The following ZNF253 variants were observed in gnomAD, a reference collection of about 807,000 sequenced individuals.
ZNF253 encodes DNA-binding protein.
A neutral mutation model predicts 11.9 loss-of-function variants in ZNF253; 8 were observed. The observed-to-expected ratio is 0.67, with a 90% CI of 0.40 to 1.22. ZNF253 has a LOEUF of 1.22. Ranked by LOEUF, ZNF253 falls within the 50% of genes most tolerant of loss-of-function variation. The pLI is 0.01. For missense variants in ZNF253, 485 were observed against 586.9 expected (o/e 0.83, Z 1.79); for synonymous variants, 194 against 194.9 (o/e 1.00, Z 0.04).
chr19:19,892,363 A>C lies in ZNF253; in HGVS notation c.1116A>C (p.Glu372Asp). 1.2e-6 allele frequency: 2 copies of C among 1,613,848 alleles called. No homozygotes were observed. The highest frequency in any genetic ancestry group is 1.7e-6 in the Non-Finnish European group (2 of 1,179,982). The change falls in exon 4 of 4, where the codon GAA becomes GAC. Residue 372 changes from glutamate to aspartate, a missense_variant. This residue lies in a region of ZNF253 where 232 missense variants were observed against 321.4 expected (regional missense o/e 0.72). Transcript: ENST00000589717. ...HTGEKPYRCR[E>D]CGKAFNHSTT... The stretch of plus-strand genomic sequence containing the variant: ...GAGAGAAACCCTACAGATGTAGAGA[A>C]TGTGGCAAAGCTTTTAACCATTCCA...
At chr19:19,867,814 G>A (rs2063117805) in intron 1 of ZNF253, among the ~76,000 whole-genome samples, 2 of 152,110 alleles carry the variant, frequency 1.3e-5, no homozygotes, top group Non-Finnish European at 2.9e-5. Flanking sequence ...CCAATTATGA[G>A]GTAGAGTATA....
rs544819735 is a variant in ZNF253, at chr19:19,874,948, T to G, written c.4-3533T>G. On this transcript the variant is annotated intron_variant, in intron 1 of 3. Coordinates refer to ENST00000589717, the MANE Select transcript of ZNF253 (RefSeq NM_021047.3). ...AACAAATTACAGAAACTCTGAGATTTAAGTTTCTTTTAGATAAGCTTAGAA... is the reference window on the plus strand; with the variant it reads ...AACAAATTACAGAAACTCTGAGATTGAAGTTTCTTTTAGATAAGCTTAGAA... Among the ~76,000 whole-genome samples, 6 of 152,270 alleles carry G rather than the reference T, an allele frequency of 3.9e-5. No homozygotes were observed. The East Asian group carries it at 1.2e-3, about 29-fold the overall frequency.
At chr19:19,876,184 C>A (rs1354309972) in intron 1 of ZNF253, among the ~76,000 whole-genome samples, 3 of 152,186 alleles carry the variant, frequency 2.0e-5, no homozygotes, top group Non-Finnish European at 4.4e-5. Context: ...CCAGGGGGAG[C>A]AACATCAGCA....
rs1377556753 is a variant in ZNF253, at chr19:19,891,947, G to A, written c.700G>A (p.Gly234Ser). The A allele has an allele frequency of 1.9e-6, 3 of 1,613,852 alleles. No homozygotes were observed. Among genetic ancestry groups the A allele is most frequent in the Non-Finnish European group, 2.5e-6 (3 of 1,179,996 alleles). ...GEKPYRCEEC[G>S]KAFKQSSNLT... ...GAAACCCTACAGATGTGAAGAATGTGGCAAAGCCTTTAAGCAGTCCTCAAA... is the reference window on the plus strand; with the variant it reads ...GAAACCCTACAGATGTGAAGAATGTAGCAAAGCCTTTAAGCAGTCCTCAAA... The change falls in exon 4 of 4, where the codon GGC (glycine) becomes AGC (serine). Residue 234 changes from glycine (G) to serine (S), a missense_variant. Around this residue, in one of 3 missense-constraint regions of ZNF253, gnomAD observed 232 missense variants for 321.4 expected, o/e 0.72. Coordinates refer to ENST00000589717, the MANE Select transcript of ZNF253 (RefSeq NM_021047.3).
chr19:19,892,501 T>TA lies in ZNF253; in HGVS notation c.1255dup (p.Thr419AsnfsTer9). On this transcript the variant is annotated frameshift_variant, in exon 4 of 4. Transcript: ENST00000589717. LOFTEE classifies it low-confidence loss of function (END_TRUNC). The stretch of plus-strand genomic sequence containing the variant: ...TCCTCTCCAAACATAAAAGAACTCA[T>TA]ACTGGAGAGAAACCCTACAAATGTG... The TA allele has an allele frequency of 3.7e-6, 6 of 1,613,946 alleles. No homozygotes were observed. The highest frequency in any genetic ancestry group is 5.1e-6 in the Non-Finnish European group (6 of 1,179,968).
chr19:19,883,518 G>A (rs2063186410), intron 3 of ZNF253, among the ~76,000 whole-genome samples: 1 of 151,928 alleles, frequency 6.6e-6, no homozygotes, highest in South Asian at 2.1e-4. Flanking sequence ...AGATTGAGAG[G>A]GATTCAAAAT....
At chr19:19,872,561 C>CTATATATATATATATATATTAT (rs2063137941) in intron 1 of ZNF253, among the ~76,000 whole-genome samples, 11 of 121,996 alleles carry the variant, frequency 9.0e-5, no homozygotes, top group Non-Finnish European at 1.4e-4. Context: ...TAAACCATAA[C>CTATATATATATATATATATTAT]TATATATATA....
chr19:19,887,160 T>G (rs1277215109), intron 3 of ZNF253, among the ~76,000 whole-genome samples: 1 of 146,068 alleles, frequency 6.8e-6, no homozygotes, highest in Non-Finnish European at 1.5e-5. Context: ...ACTATTTTCA[T>G]GGAATATACA....
chr19:19,878,588 C>T lies in ZNF253; in HGVS notation c.111C>T (p.Tyr37=). 3 of 1,613,506 alleles carry T rather than the reference C, an allele frequency of 1.9e-6. No individual in the cohort carries two copies. Among genetic ancestry groups the T allele is most frequent in the Non-Finnish European group, 2.5e-6 (3 of 1,179,790 alleles). The change falls in exon 2 of 4, where the codon TAC becomes TAT. Residue 37 remains tyrosine (Y), a synonymous_variant. Transcript: ENST00000589717. ...NLYRDVMLEN[Y]RNLVFLGIVV... ...ATAGGGATGTGATGTTAGAGAACTA[C>T]AGAAACTTGGTCTTCCTTGGTGAGG...
chr19:19,871,582 A>T (rs2063134084), intron 1 of ZNF253, among the ~76,000 whole-genome samples: 1 of 152,210 alleles, frequency 6.6e-6, no homozygotes. Context: ...CCTGTTATGA[A>T]GATGTGAAAA....
chr19:19,880,187 A>G (rs1414663312), intron 3 of ZNF253, 41 bp downstream of exon 3: 14 of 1,458,864 alleles, frequency 9.6e-6, no homozygotes, highest in East Asian at 2.4e-5. Context: ...TGACACAGAT[A>G]AAAGGTCCCA....
At chr19:19,872,834 T>C (rs1326417650) in intron 1 of ZNF253, among the ~76,000 whole-genome samples, 1 of 151,892 alleles carries the variant, frequency 6.6e-6, no homozygotes, top group Non-Finnish European at 1.5e-5. Context: ...AGACTTACCA[T>C]TTAGAATGTG....
chr19:19,891,529 C>G lies in ZNF253; in HGVS notation c.282C>G (p.Phe94Leu). 1 of 1,612,526 alleles carries G rather than the reference C, an allele frequency of 6.2e-7. No homozygotes were observed. ...GGCCAGAGAACATACAAAATTCTTT[C>G]CAAATAGGGATGCTGAGAAGATATG... ...DLWPENIQNS[F>L]QIGMLRRYEE... Residue 94 changes from phenylalanine (F) to leucine (L), a missense_variant, in exon 4 of 4, where the codon TTC becomes TTG. Phe to Leu is a conservative substitution (Grantham distance 22, BLOSUM62 0). Around this residue, in one of 3 missense-constraint regions of ZNF253, gnomAD observed 218 missense variants for 213.1 expected, o/e 1.02. Coordinates refer to ENST00000589717, the MANE Select transcript of ZNF253 (RefSeq NM_021047.3).
At chr19:19,887,119 A>G (rs2063209309) in intron 3 of ZNF253, among the ~76,000 whole-genome samples, 1 of 152,042 alleles carries the variant, frequency 6.6e-6, no homozygotes. Flanking sequence ...TATGTCTAAT[A>G]TAATTATGAC....
In ZNF253 at chr19:19,892,824, T is replaced by G; in HGVS notation, c.*77T>G. ...ACCAGCCCTCGACTCTTAGTAAATT[T>G]GAGAGTTTATATGGAACACAAACCC... On this transcript the variant is annotated 3_prime_UTR_variant, in exon 4 of 4. Transcript: ENST00000589717. 1 of 1,364,458 alleles carries G rather than the reference T, an allele frequency of 7.3e-7. No homozygotes were observed. Among genetic ancestry groups the G allele is most frequent in the Admixed American group, 2.3e-5 (1 of 42,958 alleles). The allele number at this position is 1,364,458 out of a possible 1,614,324, so 84.5% of individuals were successfully genotyped here.
At chr19:19,890,199 C>T (rs938585458) in intron 3 of ZNF253, among the ~76,000 whole-genome samples, 4 of 152,152 alleles carry the variant, frequency 2.6e-5, no homozygotes, top group African/African-American at 9.7e-5. Context: ...TGTGTCTTGT[C>T]TAAAATTTTG....
chr19:19,884,748 T>C (rs1054220994), intron 3 of ZNF253, among the ~76,000 whole-genome samples: 1 of 152,186 alleles, frequency 6.6e-6, no homozygotes, highest in Non-Finnish European at 1.5e-5. Context: ...GCATCATTAT[T>C]TTCCACCAGC....
chr19:19,878,817 A>C (rs1265526828), intron 2 of ZNF253: 3 of 440,002 alleles, frequency 6.8e-6, no homozygotes, highest in African/African-American at 6.1e-5. Context: ...TTAATTGTAC[A>C]TTCACAATAA....
chr19:19,875,390 C>CTCTTTCTTTCTTTCTT (rs147837754), intron 1 of ZNF253, among the ~76,000 whole-genome samples: 57 of 150,856 alleles, frequency 3.8e-4, no homozygotes, highest in African/African-American at 1.3e-3. Context: ...CTACATTAAA[C>CTCTTTCTTTCTTTCTT]TCTTTCTTTC....
Sources: allele counts gnomAD v4.1 joint callset (sites outside exome capture counted in the v4.1 genomes callset), GRCh38; gene constraint gnomAD v4.1.1; regional missense constraint gnomAD v4.1.1; transcripts MANE v1.5; gene names NCBI Gene and HGNC (gene_info 2026-07-23, HGNC 2026-07-21).